MYH14: variants seen among roughly 807,000 people sequenced by gnomAD.
MYH14 encodes the protein myosin-14.
A neutral mutation model predicts 255.5 loss-of-function variants in MYH14; 123 were observed. The ratio of observed to expected loss-of-function variants is 0.48; its 90% CI spans 0.42 to 0.56. MYH14 has a LOEUF of 0.56. Ranked by LOEUF, MYH14 falls within the 20% of genes least tolerant of loss-of-function variation. The probability of loss-of-function intolerance (pLI) is 0.00; values close to 1 mark genes in which losing one functional copy is unlikely to be tolerated. For synonymous variants in MYH14, 1,095 were observed against 1,161.2 expected, an observed-to-expected ratio of 0.94 and a Z score of 1.16; for missense variants, 2,423 against 2,802.3, an observed-to-expected ratio of 0.86 and a Z score of 3.06.
Position 50,309,687 on chromosome 19 carries a change from G to C in MYH14, c.6008G>C (p.Arg2003Pro). ...ACCCGCACGGTGCGCCAGGTCTTCC[G>C]ACTAGAGGAGGGCGTGGCATCCGAC... ...FTTRTVRQVF[R>P]LEEGVASDEE... Residue 2003 changes from arginine to proline, a missense_variant, in exon 43 of 43, where the codon CGA becomes CCA. Coordinates refer to ENST00000642316, the MANE Select transcript of MYH14 (RefSeq NM_001145809.2). 6.2e-7 allele frequency: 1 copy of C among 1,606,664 alleles called. No homozygotes were observed. Among genetic ancestry groups the C allele is most frequent in the Non-Finnish European group, 8.5e-7 (1 of 1,176,976 alleles).
In MYH14 at chr19:50,305,512, A is replaced by G. The variant is rs577916449; in HGVS notation, c.5679-1537A>G. 2.0e-5 allele frequency among the ~76,000 whole-genome samples: 3 copies of G among 152,252 alleles called. No individual in the cohort carries two copies. In the South Asian group the frequency reaches 6.2e-4, roughly 32 times the overall value. On this transcript the variant is annotated intron_variant, in intron 40 of 42. Transcript: ENST00000642316. ...GAGGTGCATGAGACAAGTGGTTCTC[A>G]GTCCACAGGGTCACCCAGGGGCCCC...
intron 27 of MYH14, among the ~76,000 whole-genome samples, chr19:50,273,419 T>C (rs1474122065): frequency 6.6e-6 from 1 of 152,102 alleles, no homozygotes; most frequent in East Asian, 1.9e-4. Context: ...AATAATTATA[T>C]TTACACTCGT....
intron 8 of MYH14, among the ~76,000 whole-genome samples, chr19:50,227,820 G>A (rs1384586559): frequency 2.6e-5 from 4 of 152,278 alleles, no homozygotes; most frequent in East Asian, 3.9e-4. Flanking sequence ...AGACTCTGGG[G>A]ACTTGGGTAC....
chr19:50,244,286 G>A lies in MYH14; in HGVS notation c.1159G>A (p.Ala387Thr), dbSNP rs757986751. Residue 387 changes from alanine to threonine, a missense_variant, in exon 11 of 43, where the codon GCC becomes ACC. Around this residue, in one of 3 missense-constraint regions of MYH14, gnomAD observed 672 missense variants for 881.8 expected, o/e 0.76. Transcript: ENST00000642316. Reference protein sequence around the residue: ...VSAVLQFGNIALKRERNTDQA... With the variant: ...VSAVLQFGNITLKRERNTDQA... ...AGCAGTTCTCCAGTTTGGCAACATT[G>A]CCTTGAAGAGAGAACGGAACACCGA... 1.9e-6 allele frequency: 3 copies of A among 1,613,860 alleles called. No individual in the cohort carries two copies. The highest frequency in any genetic ancestry group is 1.1e-5 in the South Asian group (1 of 91,078).
At chr19:50,279,233 C>G (rs1396402513) in intron 30 of MYH14, among the ~76,000 whole-genome samples, 2 of 152,280 alleles carry the variant, frequency 1.3e-5, no homozygotes, top group East Asian at 3.9e-4. Flanking sequence ...TGGAATCCTA[C>G]TATATATGGG....
intron 2 of MYH14, 138 bp downstream of exon 2, chr19:50,210,908 T>TA: frequency 7.2e-7 from 1 of 1,395,614 alleles, no homozygotes; most frequent in Non-Finnish European, 9.4e-7. Flanking sequence ...TTCCTACACT[T>TA]ACATGGTTGC....
intron 16 of MYH14, among the ~76,000 whole-genome samples, chr19:50,254,714 A>G (rs2034528180): frequency 6.6e-6 from 1 of 152,226 alleles, no homozygotes; most frequent in Admixed American, 6.5e-5. Flanking sequence ...AAGGGTGTCA[A>G]TACAGGGGAA....
rs555551281 is a variant in MYH14, at chr19:50,233,079, C to T, written c.1114+1009C>T. 9.9e-5 allele frequency among the ~76,000 whole-genome samples: 15 copies of T among 152,238 alleles called. No individual in the cohort carries two copies. The South Asian group carries it at 3.1e-3, about 32-fold the overall frequency. On this transcript the variant is annotated intron_variant, in intron 10 of 42. Transcript: ENST00000642316. ...GAAGGCTCAGGACGCTGTCCCAGGGCTGCTCAGGTTGGCCCAGGCTGCGCG... is the reference window on the plus strand; with the variant it reads ...GAAGGCTCAGGACGCTGTCCCAGGGTTGCTCAGGTTGGCCCAGGCTGCGCG...
chr19:50,215,949 T>C (rs938947602), intron 2 of MYH14, among the ~76,000 whole-genome samples: 1 of 150,934 alleles, frequency 6.6e-6, no homozygotes, highest in Non-Finnish European at 1.5e-5. Flanking sequence ...GAATCCCGGG[T>C]GGCTTCAAAG....
intron 2 of MYH14, among the ~76,000 whole-genome samples, chr19:50,216,941 G>A (rs1423300635): frequency 6.6e-6 from 1 of 151,252 alleles, no homozygotes; most frequent in Non-Finnish European, 1.5e-5. Flanking sequence ...CCAAGTAGCT[G>A]GGACTACAGG....
At chr19:50,224,053 C>A in intron 5 of MYH14, 101 bp from the exon 6 acceptor site, 1 of 858,374 alleles carries the variant, frequency 1.2e-6, no homozygotes, top group South Asian at 1.7e-5. Context: ...CCTTCCCCCA[C>A]CCCCCATGCC....
chr19:50,269,631 C>T (rs1232162741), intron 24 of MYH14, among the ~76,000 whole-genome samples: 2 of 152,186 alleles, frequency 1.3e-5, no homozygotes, highest in Admixed American at 6.5e-5. Flanking sequence ...GGATGTTGCC[C>T]TCAAGAGCAG....
At chr19:50,297,227 GC>G (rs1193883335) in intron 39 of MYH14, among the ~76,000 whole-genome samples, 1 of 151,794 alleles carries the variant, frequency 6.6e-6, no homozygotes, top group East Asian at 1.9e-4. Context: ...CTCGTGATCC[GC>G]CCGCCTCGGC....
rs777411228 is a variant in MYH14, at chr19:50,249,115, C to T, written c.1458C>T (p.Asp486=). The T allele has an allele frequency of 5.7e-6, 9 of 1,592,704 alleles. No individual in the cohort carries two copies. Among genetic ancestry groups the T allele is most frequent in the Non-Finnish European group, 7.7e-6 (9 of 1,169,642 alleles). ...GCGCCTCCTTCCTGGGCATCCTGGA[C>T]ATCGCGGGCTTTGAGATCTTCCAGG... The part of the protein sequence containing the change: ...RQGASFLGIL[D]IAGFEIFQLN... Residue 486 remains aspartate, a synonymous_variant, in exon 13 of 43, where the codon GAC becomes GAT. Coordinates refer to ENST00000642316, the MANE Select transcript of MYH14 (RefSeq NM_001145809.2).
chr19:50,213,742 G>T (rs555946288), intron 2 of MYH14, among the ~76,000 whole-genome samples: 7 of 152,304 alleles, frequency 4.6e-5, no homozygotes, highest in Admixed American at 6.5e-5. Context: ...CCACAGCTTG[G>T]AGAGGGGAAG....
In MYH14 at chr19:50,252,182, T is replaced by A. The variant is rs1286474490; in HGVS notation, c.1831-457T>A. Among the ~76,000 whole-genome samples the A allele has an allele frequency of 6.6e-6, 1 of 151,788 alleles. No individual in the cohort carries two copies. Among genetic ancestry groups the A allele is most frequent in the African/African-American group, 2.4e-5 (1 of 41,290 alleles). On this transcript the variant is annotated intron_variant, in intron 15 of 42. Transcript: ENST00000642316. This position sits in a 1 kb window ranked among gnomAD's most constrained non-coding sequence, Gnocchi z 4.2. The stretch of plus-strand genomic sequence containing the variant: ...CTGCCCTCGGGGGACCGCTGTCTGG[T>A]GGGGGGCACATATGCAGAGAATTGT...
At chr19:50,209,783 CAAAA>C (rs1209985827) in intron 1 of MYH14, among the ~76,000 whole-genome samples, 2 of 65,636 alleles carry the variant, frequency 3.0e-5, no homozygotes, top group African/African-American at 5.4e-5. Flanking sequence ...GACTCCATCT[CAAAA>C]AAAAAAAAAA....
Position 50,278,303 on chromosome 19 carries a change from G to T in MYH14, c.4032+14G>T, listed in dbSNP as rs1432178094. The T allele has an allele frequency of 6.6e-7, 1 of 1,522,148 alleles. No homozygotes were observed. Among genetic ancestry groups the T allele is most frequent in the Non-Finnish European group, 8.9e-7 (1 of 1,129,598 alleles). 94.3% of individuals were successfully genotyped at this position (1,522,148 alleles called of 1,614,324 possible). A position where few individuals can be genotyped will look rare whatever the true frequency, so the allele number is the denominator to read the frequency against. ...CAGCGAGCCCAGGTAAGTGGGGTGG[G>T]CAGGGCAGAGGTTTCTGCTGTGTGA... is the stretch of plus-strand genomic sequence containing the variant. On this transcript the variant is annotated intron_variant, in intron 30 of 42. Transcript: ENST00000642316.
chr19:50,299,870 G>A (rs1601062107), intron 39 of MYH14, among the ~76,000 whole-genome samples: 1 of 152,018 alleles, frequency 6.6e-6, no homozygotes, highest in South Asian at 2.1e-4. Context: ...GCTTGACCCC[G>A]GGAGGCAGAG....
Sources: allele counts gnomAD v4.1 joint callset (sites outside exome capture counted in the v4.1 genomes callset), GRCh38; gene constraint gnomAD v4.1.1; regional missense constraint gnomAD v4.1.1; non-coding constraint Gnocchi (gnomAD v3.1); transcripts MANE v1.5; gene names NCBI Gene and HGNC (gene_info 2026-07-23, HGNC 2026-07-21).